The following ARL15 variants were observed in gnomAD, a reference collection of about 807,000 sequenced individuals.
ARL15 encodes ADP-ribosylation factor-like protein 15.
In ARL15, 19 loss-of-function variants were observed where a neutral mutation model predicts 25.2. That is an observed-to-expected ratio of 0.75 (90% CI 0.53 to 1.10). The LOEUF is 1.10. Ranked by LOEUF, ARL15 falls within the 50% of genes least tolerant of loss-of-function variation. The probability of loss-of-function intolerance (pLI) is 0.00; values close to 1 mark genes in which losing one functional copy is unlikely to be tolerated. For missense variants in ARL15, 220 were observed against 246.0 expected (o/e 0.89, Z 0.71); for synonymous variants, 94 against 86.8 (o/e 1.08, Z -0.46).
At chr5:54,174,779 CAG>C (rs1314111434) in intron 1 of ARL15, among the ~76,000 whole-genome samples, 2 of 152,206 alleles carry the variant, frequency 1.3e-5, no homozygotes, top group East Asian at 3.8e-4. Flanking sequence ...GAGTTTTTCT[CAG>C]AGATAGGTTT....
chr5:54,074,093 C>A (rs1751506871), intron 4 of ARL15, among the ~76,000 whole-genome samples: 1 of 152,132 alleles, frequency 6.6e-6, no homozygotes, highest in Non-Finnish European at 1.5e-5. Context: ...TCTAGCTCAC[C>A]CATTTGGTAA....
chr5:53,986,906 T>C (rs1284576806), intron 4 of ARL15, among the ~76,000 whole-genome samples: 1 of 152,118 alleles, frequency 6.6e-6, no homozygotes, highest in Non-Finnish European at 1.5e-5. Context: ...TTAAGGAATA[T>C]CCAGTACAAT....
chr5:54,046,522 T>C (rs1032076058), intron 4 of ARL15, among the ~76,000 whole-genome samples: 1 of 151,786 alleles, frequency 6.6e-6, no homozygotes, highest in African/African-American at 2.4e-5. Flanking sequence ...AAAATAAAAA[T>C]AGAATGAAAG....
intron 3 of ARL15, among the ~76,000 whole-genome samples, chr5:54,148,874 G>T (rs907184188): frequency 1.3e-5 from 2 of 152,204 alleles, no homozygotes; most frequent in Admixed American, 6.5e-5. Context: ...AACATGTTAA[G>T]AACTAAAAAT....
intron 4 of ARL15, among the ~76,000 whole-genome samples, chr5:53,965,040 C>G (rs886352103): frequency 6.6e-6 from 1 of 152,172 alleles, no homozygotes; most frequent in African/African-American, 2.4e-5. Flanking sequence ...ATAAGAAAAT[C>G]TTTGCCAGGA....
intron 1 of ARL15, among the ~76,000 whole-genome samples, chr5:54,190,066 A>T (rs1561259858): frequency 2.6e-5 from 4 of 152,170 alleles, no homozygotes; most frequent in Admixed American, 2.6e-4. Context: ...AAGATGCTCA[A>T]TATCACTAAT....
chr5:54,222,254 A>C (rs1756398638), intron 1 of ARL15, among the ~76,000 whole-genome samples: 1 of 152,252 alleles, frequency 6.6e-6, no homozygotes, highest in Admixed American at 6.5e-5. Flanking sequence ...TTATTCAAAA[A>C]GTGATACTGA....
At chr5:54,233,882 C>A (rs1036071382) in intron 1 of ARL15, among the ~76,000 whole-genome samples, 1 of 152,162 alleles carries the variant, frequency 6.6e-6, no homozygotes, top group Non-Finnish European at 1.5e-5. Flanking sequence ...CCTCTATTAA[C>A]CCAGACATTA....
At chr5:54,297,302 AG>A (rs1758491932) in intron 1 of ARL15, among the ~76,000 whole-genome samples, 1 of 152,230 alleles carries the variant, frequency 6.6e-6, no homozygotes, top group Non-Finnish European at 1.5e-5. Flanking sequence ...TGCCAGCTTC[AG>A]GTTCCTGGGG....
chr5:54,084,260 T>A (rs924007940), intron 4 of ARL15, among the ~76,000 whole-genome samples: 1 of 152,130 alleles, frequency 6.6e-6, no homozygotes, highest in Non-Finnish European at 1.5e-5. Flanking sequence ...GGACACCGTA[T>A]GCTTCAGAAT....
chr5:54,014,777 C>T (rs535370347), intron 4 of ARL15, among the ~76,000 whole-genome samples: 3 of 152,026 alleles, frequency 2.0e-5, no homozygotes, highest in African/African-American at 7.2e-5. Flanking sequence ...CCACCCGCCT[C>T]GGCCTCCCAT....
At chr5:54,086,765 C>T (rs919474726) in intron 4 of ARL15, among the ~76,000 whole-genome samples, 2 of 152,086 alleles carry the variant, frequency 1.3e-5, no homozygotes, top group South Asian at 2.1e-4. Flanking sequence ...CCTAATGATA[C>T]GTACAATGAA....
chr5:54,292,707 A>G (rs1758365122), intron 1 of ARL15, among the ~76,000 whole-genome samples: 1 of 152,220 alleles, frequency 6.6e-6, no homozygotes, highest in Non-Finnish European at 1.5e-5. Context: ...AAGGAAAAAA[A>G]GGCATTTACT....
chr5:54,035,537 G>A (rs1750142128), intron 4 of ARL15, among the ~76,000 whole-genome samples: 1 of 152,168 alleles, frequency 6.6e-6, no homozygotes, highest in Admixed American at 6.5e-5. Context: ...CTTTTGAAGA[G>A]TATACCTCAT....
intron 4 of ARL15, among the ~76,000 whole-genome samples, chr5:54,055,299 A>G (rs1179704901): frequency 6.7e-6 from 1 of 150,248 alleles, no homozygotes; most frequent in East Asian, 1.9e-4. Context: ...CACTTAGCAT[A>G]ATGTTTCCAA....
At chr5:54,211,802 T>G (rs1483878637) in intron 1 of ARL15, among the ~76,000 whole-genome samples, 1 of 152,080 alleles carries the variant, frequency 6.6e-6, no homozygotes, top group African/African-American at 2.4e-5. Context: ...CTTATCTTAC[T>G]TTTAAAAAGA....
At chr5:53,903,729 T>A (rs538740699) in intron 4 of ARL15, among the ~76,000 whole-genome samples, 74 of 152,286 alleles carry the variant, frequency 4.9e-4, no homozygotes, top group African/African-American at 1.6e-3. Context: ...CAGCTCCTAT[T>A]CTCTGTGCTT....
chr5:54,001,589 T>C (rs1430489449), intron 4 of ARL15, among the ~76,000 whole-genome samples: 1 of 152,222 alleles, frequency 6.6e-6, no homozygotes, highest in East Asian at 1.9e-4. Flanking sequence ...GTGTATTAGG[T>C]TTGTTTTTAA....
chr5:53,935,284 C>A (rs549139951), intron 4 of ARL15, among the ~76,000 whole-genome samples: 1 of 152,278 alleles, frequency 6.6e-6, no homozygotes, highest in South Asian at 2.1e-4. Context: ...TTACACCCAC[C>A]CTCATCCAGG....
Sources: allele counts gnomAD v4.1 joint callset (sites outside exome capture counted in the v4.1 genomes callset), GRCh38; gene constraint gnomAD v4.1.1; transcripts MANE v1.5; gene names NCBI Gene and HGNC (gene_info 2026-07-23, HGNC 2026-07-21).